The following LINGO2 variants were observed in gnomAD, a reference collection of about 807,000 sequenced individuals.
LINGO2 encodes leucine rich repeat and Ig domain containing 2.
Under a neutral mutation model 30.6 loss-of-function variants are expected in LINGO2, and 14 were observed. The observed-to-expected ratio is 0.46, with a 90% CI of 0.30 to 0.72. The LOEUF (loss-of-function observed/expected upper bound fraction) is 0.72, where lower values mean the gene tolerates loss of function less well. LINGO2 is among the 30% of genes least tolerant of loss of function. The pLI is 0.07. For synonymous variants in LINGO2, 317 were observed against 288.5 expected, an observed-to-expected ratio of 1.10 and a Z score of -1.00; for missense variants, 729 against 751.7, an observed-to-expected ratio of 0.97 and a Z score of 0.35.
the LINGO2 span, among the ~76,000 whole-genome samples, chr9:28,700,670 G>A: frequency 1.3e-5 from 2 of 152,040 alleles, no homozygotes; most frequent in Non-Finnish European, 2.9e-5. Flanking sequence ...AAATACCAAA[G>A]AGCACAACTG....
Position 28,148,213 on chromosome 9 carries a change from G to A in LINGO2, c.-86-135808C>T, listed in dbSNP as rs1004508547. The A allele has an allele frequency of 9.6e-6, 7 of 730,214 alleles. No individual in the cohort carries two copies. In the Admixed American group the frequency reaches 1.8e-4, roughly 19 times the overall value. The allele number at this position is 730,214 out of a possible 1,614,324, so 45.2% of individuals were successfully genotyped here. ...CAGTCAGTTGGGACGGCGCCCCTAT[G>A]AGGCTGTGTCTTATCCCTCGGAACA... On this transcript the variant is annotated intron_variant, in intron 4 of 5. Transcript: ENST00000379992. This position sits in a 1 kb window ranked among gnomAD's most constrained non-coding sequence, Gnocchi z 5.1.
chr9:28,748,723 T>G, the LINGO2 span, among the ~76,000 whole-genome samples: 1 of 152,068 alleles, frequency 6.6e-6, no homozygotes, highest in African/African-American at 2.4e-5. Context: ...ATTGAGTAAT[T>G]TTATGAACTC....
chr9:29,129,946 C>T, the LINGO2 span, among the ~76,000 whole-genome samples: 1 of 151,936 alleles, frequency 6.6e-6, no homozygotes, highest in Non-Finnish European at 1.5e-5. Flanking sequence ...CTGTGTAAGT[C>T]ATGAAAAGGA....
chr9:28,068,586 A>T (rs1308601660), intron 4 of LINGO2, among the ~76,000 whole-genome samples: 1 of 152,188 alleles, frequency 6.6e-6, no homozygotes, highest in Non-Finnish European at 1.5e-5. Flanking sequence ...ATCATTACAT[A>T]CTTAGTAGTA....
intron 4 of LINGO2, among the ~76,000 whole-genome samples, chr9:28,158,905 T>G (rs899549743): frequency 1.3e-5 from 2 of 152,226 alleles, no homozygotes; most frequent in African/African-American, 4.8e-5. Flanking sequence ...GAAAAAGGAC[T>G]ATTTTGAAAA....
chr9:28,881,852 T>C, the LINGO2 span, among the ~76,000 whole-genome samples: 130 of 152,354 alleles, frequency 8.5e-4, no homozygotes, highest in Non-Finnish European at 1.3e-3. Context: ...CCCCACCACG[T>C]GTCCATGTGT....
the LINGO2 span, among the ~76,000 whole-genome samples, chr9:28,815,976 G>T: frequency 6.6e-6 from 1 of 152,158 alleles, no homozygotes; most frequent in Non-Finnish European, 1.5e-5. Context: ...AGGTTAGAAA[G>T]TCTAAGATCA....
exon 6 of LINGO2, chr9:27,950,471 G>A: frequency 6.2e-7 from 1 of 1,606,460 alleles, no homozygotes; most frequent in Non-Finnish European, 8.5e-7. Context: ...TTTTTAGCCT[G>A]TTTTTACTGA....
intron 4 of LINGO2, among the ~76,000 whole-genome samples, chr9:28,152,834 G>A (rs1828037719): frequency 6.6e-6 from 1 of 152,070 alleles, no homozygotes; most frequent in Admixed American, 6.5e-5. Flanking sequence ...GACAACATGT[G>A]AAAGACATAA....
the LINGO2 span, among the ~76,000 whole-genome samples, chr9:29,079,786 A>G: frequency 3.5e-5 from 5 of 144,534 alleles, no homozygotes; most frequent in African/African-American, 1.3e-4. Context: ...GCAGTAAATA[A>G]GAAAAAAGTT....
rs1158103233 is a variant in LINGO2 at position 28,147,890 on chromosome 9, A to G, written c.-86-135485T>C. 6.6e-6 allele frequency among the ~76,000 whole-genome samples: 1 copy of G among 152,104 alleles called. No individual in the cohort carries two copies. The highest frequency in any genetic ancestry group is 1.5e-5 in the Non-Finnish European group (1 of 68,026). The stretch of plus-strand genomic sequence containing the variant: ...CCATAGTGATGTCATAAACTCCCAG[A>G]TGCCCAGTGTGCACCCGGCCACAGA... On this transcript the variant is annotated intron_variant, in intron 4 of 5. Transcript: ENST00000379992. This position sits in a 1 kb window ranked among gnomAD's most constrained non-coding sequence, Gnocchi z 4.7.
intron 4 of LINGO2, among the ~76,000 whole-genome samples, chr9:28,034,136 GGT>G (rs1823816769): frequency 6.6e-6 from 1 of 152,156 alleles, no homozygotes; most frequent in Non-Finnish European, 1.5e-5. Flanking sequence ...AAACCTGTGA[GGT>G]GTTTGTTTCC....
intron 3 of LINGO2, among the ~76,000 whole-genome samples, chr9:28,352,155 A>G (rs1289492225): frequency 6.6e-5 from 10 of 151,742 alleles, no homozygotes; most frequent in African/African-American, 1.2e-4. Context: ...GGCCAGGGCT[A>G]TTAGGCAGGA....
chr9:29,018,023 CAT>C, the LINGO2 span, among the ~76,000 whole-genome samples: 504 of 92,352 alleles, frequency 5.5e-3, 4 homozygotes, highest in African/African-American at 0.018. Context: ...TATAAATCTG[CAT>C]ATATATATAT....
At chr9:28,878,137 A>T in the LINGO2 span, among the ~76,000 whole-genome samples, 12 of 148,882 alleles carry the variant, frequency 8.1e-5, no homozygotes, top group African/African-American at 2.7e-4. Flanking sequence ...CAGATGCAAT[A>T]AAAAATGATA....
intron 1 of LINGO2, among the ~76,000 whole-genome samples, chr9:28,528,973 T>C (rs1244865381): frequency 1.3e-5 from 2 of 152,174 alleles, no homozygotes; most frequent in African/African-American, 4.8e-5. Flanking sequence ...TTATTCAAAT[T>C]ATTAGCAGGA....
chr9:28,612,384 G>A (rs1825956111), intron 1 of LINGO2, among the ~76,000 whole-genome samples: 2 of 152,086 alleles, frequency 1.3e-5, no homozygotes, highest in Non-Finnish European at 2.9e-5. Context: ...TTCATCTACT[G>A]ACAAACATTA....
At chr9:28,417,047 T>A (rs1822996332) in intron 2 of LINGO2, among the ~76,000 whole-genome samples, 1 of 152,092 alleles carries the variant, frequency 6.6e-6, no homozygotes, top group Admixed American at 6.6e-5. Context: ...ACCTAGTGAA[T>A]AAATCACTGT....
chr9:28,552,528 T>C (rs1055878043), intron 1 of LINGO2, among the ~76,000 whole-genome samples: 2 of 151,980 alleles, frequency 1.3e-5, no homozygotes, highest in African/African-American at 4.8e-5. Flanking sequence ...GTACTGACTT[T>C]TCAATGATGT....
Sources: allele counts gnomAD v4.1 joint callset (sites outside exome capture counted in the v4.1 genomes callset), GRCh38; gene constraint gnomAD v4.1.1; non-coding constraint Gnocchi (gnomAD v3.1); transcripts MANE v1.5; gene names NCBI Gene and HGNC (gene_info 2026-07-23, HGNC 2026-07-21).